GATAD2A: variants seen among roughly 807,000 people sequenced by gnomAD.
The protein encoded by GATAD2A is GATA zinc finger domain containing 2A, also known as transcriptional repressor p66-alpha.
GATAD2A carries 12 observed loss-of-function variants against 68.5 expected under a neutral mutation model. The observed-to-expected ratio is 0.18, with a 90% CI of 0.11 to 0.28. The LOEUF is 0.28. Among genes scored for constraint, GATAD2A ranks in the 10% least tolerant of loss-of-function variants. GATAD2A has a pLI of 1.00. For synonymous variants in GATAD2A, 410 were observed against 375.3 expected (o/e 1.09, Z -1.07); for missense variants, 755 against 868.5 (o/e 0.87, Z 1.64).
chr19:19,501,816 G>A (rs16996119), intron 9 of GATAD2A, among the ~76,000 whole-genome samples, 153 bp from the exon 10 acceptor site: 1 of 152,150 alleles, frequency 6.6e-6, no homozygotes, highest in Non-Finnish European at 1.5e-5. Context: ...TTTCTTGGAA[G>A]TTCTTTGCAA....
rs1304983280 is a variant in GATAD2A at position 19,463,736 on chromosome 19, T to C, written c.-6-1604T>C. 3.9e-5 allele frequency among the ~76,000 whole-genome samples: 6 copies of C among 152,154 alleles called. No homozygotes were observed. In the East Asian group the frequency reaches 1.2e-3, roughly 29 times the overall value. On this transcript the variant is annotated intron_variant, in intron 1 of 11. Coordinates refer to ENST00000683918, the MANE Select transcript of GATAD2A (RefSeq NM_001384528.1). ...GACAGGGTAGGGAGCACAGAGCTGC[T>C]CTGGGCCTGTGTGAAGCACCAGGGA...
chr19:19,397,066 A>T (rs1010562841), intron 1 of GATAD2A, among the ~76,000 whole-genome samples: 3 of 152,166 alleles, frequency 2.0e-5, no homozygotes, highest in Non-Finnish European at 2.9e-5. Context: ...ACAGGCAGAG[A>T]CCTGGAGTTG....
chr19:19,467,831 T>C (rs2071593812), intron 2 of GATAD2A, among the ~76,000 whole-genome samples: 1 of 152,194 alleles, frequency 6.6e-6, no homozygotes, highest in Admixed American at 6.5e-5. Context: ...AGTGTACATA[T>C]TGCTATGTTG....
At chr19:19,397,894 TTTAGTTAGTTAG>T (rs142215051) in intron 1 of GATAD2A, among the ~76,000 whole-genome samples, 7 of 152,076 alleles carry the variant, frequency 4.6e-5, no homozygotes, top group African/African-American at 1.7e-4. Flanking sequence ...GCTAATTTTA[TTTAGTTAGTTAG>T]TTAGTTAATT....
chr19:19,476,218 T>G (rs1330841655), intron 2 of GATAD2A, among the ~76,000 whole-genome samples: 1 of 152,238 alleles, frequency 6.6e-6, no homozygotes, highest in Non-Finnish European at 1.5e-5. Context: ...CCAGTAAATG[T>G]TTGGCCTTCT....
At chr19:19,490,656 C>T (rs972610370) in intron 2 of GATAD2A, among the ~76,000 whole-genome samples, 5 of 152,022 alleles carry the variant, frequency 3.3e-5, no homozygotes, top group Admixed American at 1.3e-4. Context: ...CCGAGGCGGG[C>T]GGATCATCTG....
At chr19:19,414,860 T>C (rs1333968665) in intron 1 of GATAD2A, among the ~76,000 whole-genome samples, 2 of 143,948 alleles carry the variant, frequency 1.4e-5, no homozygotes, top group African/African-American at 5.2e-5. Flanking sequence ...TTTTTTTTTT[T>C]GAGTCCTGAG....
At chr19:19,448,805 T>C (rs918386829) in intron 1 of GATAD2A, among the ~76,000 whole-genome samples, 11 of 152,290 alleles carry the variant, frequency 7.2e-5, no homozygotes, top group African/African-American at 2.6e-4. Flanking sequence ...TTGCTACCTG[T>C]CTTTCTCCTC....
At chr19:19,395,659 C>T (rs1462009054) in intron 1 of GATAD2A, among the ~76,000 whole-genome samples, 1 of 152,160 alleles carries the variant, frequency 6.6e-6, no homozygotes, top group Non-Finnish European at 1.5e-5. Flanking sequence ...GGGAGCTTGT[C>T]TGCACCAAGA....
At chr19:19,428,822 C>A (rs1006628220) in intron 1 of GATAD2A, among the ~76,000 whole-genome samples, 1 of 152,118 alleles carries the variant, frequency 6.6e-6, no homozygotes. Context: ...CTGAGGGAAG[C>A]CCTTCAGACA....
upstream of GATAD2A, among the ~76,000 whole-genome samples, chr19:19,401,131 C>T (rs1348401275): frequency 8.5e-6 from 1 of 117,796 alleles, no homozygotes; most frequent in Admixed American, 9.8e-5. Context: ...ACGAGCGAGA[C>T]TCTGTCTCAA....
At position 19,502,448 on chromosome 19, in the gene GATAD2A, G is replaced by T; in HGVS notation, c.1696G>T (p.Gly566Cys). The T allele has an allele frequency of 6.2e-7, 1 of 1,613,652 alleles. No homozygotes were observed. The highest frequency in any genetic ancestry group is 8.5e-7 in the Non-Finnish European group (1 of 1,179,938). ...GGCCACAGCCCTGGTCAGCAGGACC[G>T]GCAGACATTCTGAGAGAACCGTGAG... ...ASATALVSRT[G>C]RHSERTVSAG... Residue 566 changes from glycine to cysteine, a missense_variant, in exon 11 of 12, where the codon GGC becomes TGC. Physicochemically the swap from Gly to Cys is radical, Grantham distance 159. Transcript: ENST00000683918.
rs1260272280 is a variant in GATAD2A at position 19,405,948 on chromosome 19, C to T, written c.-78C>T. 6.7e-6 allele frequency: 1 copy of T among 148,430 alleles called. No individual in the cohort carries two copies. The highest frequency in any genetic ancestry group is 1.5e-5 in the Non-Finnish European group (1 of 66,808). 9.2% of individuals were successfully genotyped at this position (148,430 alleles called of 1,614,324 possible). A position where few individuals can be genotyped will look rare whatever the true frequency, so the allele number is the denominator to read the frequency against. ...TCCCCGGCCCCTCCGCCGCCCGGCC[C>T]CGCGGGCGACCCCGGACCAGCAGCC... On this transcript the variant is annotated 5_prime_UTR_variant, in exon 1 of 12. Transcript: ENST00000683918.
chr19:19,451,104 G>A (rs1035652572), intron 1 of GATAD2A, among the ~76,000 whole-genome samples: 5 of 151,932 alleles, frequency 3.3e-5, no homozygotes, highest in Admixed American at 6.6e-5. Context: ...GGTGGGCGTG[G>A]TGGCTTACTC....
intron 1 of GATAD2A, among the ~76,000 whole-genome samples, chr19:19,395,442 G>A (rs2049156684): frequency 6.6e-6 from 1 of 151,588 alleles, no homozygotes; most frequent in South Asian, 2.1e-4. Context: ...GCAACAGAGC[G>A]AGATTCCGTC....
chr19:19,390,589 C>T (rs1479926479), intron 1 of GATAD2A, among the ~76,000 whole-genome samples: 1 of 152,276 alleles, frequency 6.6e-6, no homozygotes, highest in African/African-American at 2.4e-5. Flanking sequence ...CTTGGTGTCT[C>T]CCCCTGTAAA....
upstream of GATAD2A, among the ~76,000 whole-genome samples, chr19:19,402,876 G>T (rs956241145): frequency 1.3e-5 from 2 of 150,506 alleles, no homozygotes; most frequent in Admixed American, 6.6e-5. Context: ...TGGGTTCAGC[G>T]ATTCTCCTGC....
rs1017238792 is a variant in GATAD2A at position 19,506,123 on chromosome 19, C to T, written c.*649C>T. 3.3e-5 allele frequency: 13 copies of T among 398,978 alleles called. No homozygotes were observed. The highest frequency in any genetic ancestry group is 1.4e-4 in the East Asian group (4 of 28,062). The allele number at this position is 398,978 out of a possible 1,614,324, so 24.7% of individuals were successfully genotyped here. ...TGCCACAGCCCCTGGCAGGGACGGC[C>T]GGCCCGCCCCCGTGACTGACTGACA... On this transcript the variant is annotated 3_prime_UTR_variant, in exon 12 of 12. Coordinates refer to ENST00000683918, the MANE Select transcript of GATAD2A (RefSeq NM_001384528.1).
intron 1 of GATAD2A, among the ~76,000 whole-genome samples, chr19:19,398,892 C>T (rs34487417): frequency 0.16 from 23,947 of 152,024 alleles, 1,997 homozygotes; most frequent in Middle Eastern, 0.27. Context: ...AACCCTGTCT[C>T]TACTAAAACT....
Sources: allele counts gnomAD v4.1 joint callset (sites outside exome capture counted in the v4.1 genomes callset), GRCh38; gene constraint gnomAD v4.1.1; transcripts MANE v1.5; gene names NCBI Gene and HGNC (gene_info 2026-07-23, HGNC 2026-07-21).